PPM1L: variants seen among roughly 807,000 people sequenced by gnomAD.
PPM1L encodes the protein protein phosphatase 1L.
PPM1L carries 13 observed loss-of-function variants against 31.4 expected under a neutral mutation model. The observed-to-expected ratio is 0.41, with a 90% CI of 0.27 to 0.66. The LOEUF (loss-of-function observed/expected upper bound fraction) is 0.66. PPM1L is among the 30% of genes least tolerant of loss of function. The pLI is 0.29. For missense variants in PPM1L, 326 were observed against 453.7 expected (o/e 0.72, Z 2.56); for synonymous variants, 184 against 175.4 (o/e 1.05, Z -0.39).
chr3:161,007,783 A>G, intron 2 of PPM1L, among the ~76,000 whole-genome samples: 1 of 152,138 alleles, frequency 6.6e-6, no homozygotes, highest in East Asian at 1.9e-4. Flanking sequence ...TTTTACTGTG[A>G]GCAAGATGAG....
chr3:160,768,626 A>G (rs886860572), intron 1 of PPM1L, among the ~76,000 whole-genome samples: 3 of 152,160 alleles, frequency 2.0e-5, no homozygotes, highest in Non-Finnish European at 4.4e-5. Context: ...GTCTGGCAAT[A>G]AGGAAATGTC....
chr3:160,786,207 A>ATTTTTTTTT (rs35386910), intron 1 of PPM1L, among the ~76,000 whole-genome samples: 1 of 30,886 alleles, frequency 3.2e-5, no homozygotes, highest in African/African-American at 2.4e-4. Context: ...ATATATATAT[A>ATTTTTTTTT]TTTTTTTTTT....
chr3:160,777,075 C>T (rs1711577826), intron 1 of PPM1L, among the ~76,000 whole-genome samples: 1 of 151,852 alleles, frequency 6.6e-6, no homozygotes, highest in South Asian at 2.1e-4. Context: ...GTAACCTTAG[C>T]ACTTTGGGAG....
intron 1 of PPM1L, among the ~76,000 whole-genome samples, chr3:160,885,236 T>C (rs4679662): frequency 0.41 from 61,820 of 152,036 alleles, 14,470 homozygotes; most frequent in Non-Finnish European, 0.54. Context: ...TACTTTTTTT[T>C]GGGTAAGAAA....
chr3:160,919,349 T>C (rs1275703988), intron 1 of PPM1L, among the ~76,000 whole-genome samples: 1 of 152,196 alleles, frequency 6.6e-6, no homozygotes, highest in African/African-American at 2.4e-5. Flanking sequence ...ACTTAAGAAC[T>C]GGGCTTTCTT....
chr3:160,827,978 C>T (rs1033118601), intron 1 of PPM1L, among the ~76,000 whole-genome samples: 3 of 151,946 alleles, frequency 2.0e-5, no homozygotes, highest in Non-Finnish European at 2.9e-5. Flanking sequence ...GGAGAGGCAC[C>T]ACACACTTTT....
At chr3:160,892,449 C>T (rs560321713) in intron 1 of PPM1L, among the ~76,000 whole-genome samples, 1 of 152,196 alleles carries the variant, frequency 6.6e-6, no homozygotes, top group African/African-American at 2.4e-5. Flanking sequence ...CCAACCAGGC[C>T]CTACCTCCAA....
At chr3:160,944,920 AGTGGAGAT>A in intron 1 of PPM1L, among the ~76,000 whole-genome samples, 1 of 72,290 alleles carries the variant, frequency 1.4e-5, no homozygotes, top group African/African-American at 5.0e-5. Flanking sequence ...TATAATATAT[AGTGGAGAT>A]ATATATATTA....
rs1336756490 is a variant in PPM1L at position 161,069,402 on chromosome 3, A to G, written c.*245A>G. 14 of 518,840 alleles carry G rather than the reference A, an allele frequency of 2.7e-5. No homozygotes were observed. Among genetic ancestry groups the G allele is most frequent in the East Asian group, 1.3e-4 (4 of 29,974 alleles). The allele number at this position is 518,840 out of a possible 1,614,324, so 32.1% of individuals were successfully genotyped here. Reference sequence around the variant, plus strand: ...CTCTTTCATCCAGTGTCCAAAATATATAAGTAAATAGCTGTAGAGTCACAT... The same window carrying G: ...CTCTTTCATCCAGTGTCCAAAATATGTAAGTAAATAGCTGTAGAGTCACAT... On this transcript the variant is annotated 3_prime_UTR_variant, in exon 4 of 4. Transcript: ENST00000498165.
At chr3:160,915,247 A>T (rs1183512946) in intron 1 of PPM1L, among the ~76,000 whole-genome samples, 1 of 152,212 alleles carries the variant, frequency 6.6e-6, no homozygotes, top group East Asian at 1.9e-4. Flanking sequence ...AATCACGAGC[A>T]TTCTTATACT....
chr3:161,040,902 C>T (rs896428516), intron 2 of PPM1L, among the ~76,000 whole-genome samples: 2 of 152,118 alleles, frequency 1.3e-5, no homozygotes, highest in Non-Finnish European at 2.9e-5. Context: ...CTTGAAATGG[C>T]CCTGCAAAGC....
intron 2 of PPM1L, among the ~76,000 whole-genome samples, chr3:161,046,552 C>A (rs1050511505): frequency 2.0e-5 from 3 of 152,098 alleles, no homozygotes; most frequent in Non-Finnish European, 4.4e-5. Flanking sequence ...CTATTCCAAT[C>A]AATAGAAAAA....
chr3:160,948,893 A>G (rs1715491080), intron 1 of PPM1L, among the ~76,000 whole-genome samples: 1 of 152,312 alleles, frequency 6.6e-6, no homozygotes, highest in East Asian at 1.9e-4. Context: ...CTTTGTAAAA[A>G]TACACATGTC....
intron 1 of PPM1L, among the ~76,000 whole-genome samples, chr3:160,820,679 A>C (rs917005099): frequency 1.3e-5 from 2 of 152,148 alleles, no homozygotes; most frequent in South Asian, 4.2e-4. Context: ...TTTAGCTCAA[A>C]ATTGTTTGTG....
chr3:160,765,090 C>T (rs960773111), intron 1 of PPM1L, among the ~76,000 whole-genome samples: 4 of 152,128 alleles, frequency 2.6e-5, no homozygotes, highest in Admixed American at 6.5e-5. Context: ...TTATAAAGTA[C>T]TTTACATATG....
chr3:161,044,346 GTATT>G (rs66461506), intron 2 of PPM1L, among the ~76,000 whole-genome samples: 36,492 of 143,126 alleles, frequency 0.25, 5,635 homozygotes, highest in Middle Eastern at 0.38. Context: ...GGCCTGCCCT[GTATT>G]TATTTATTTA....
At chr3:160,902,433 CA>C (rs1484640107) in intron 1 of PPM1L, among the ~76,000 whole-genome samples, 2 of 152,140 alleles carry the variant, frequency 1.3e-5, no homozygotes, top group Non-Finnish European at 2.9e-5. Context: ...ACAGAAAATT[CA>C]GAGTAAGGAA....
chr3:161,001,505 T>A (rs979418420), intron 2 of PPM1L, among the ~76,000 whole-genome samples: 6 of 152,286 alleles, frequency 3.9e-5, no homozygotes, highest in African/African-American at 1.4e-4. Context: ...GGTCTTGGAC[T>A]TCTGGCCTCA....
intron 1 of PPM1L, among the ~76,000 whole-genome samples, chr3:160,955,285 A>G (rs1715733275): frequency 6.6e-6 from 1 of 152,090 alleles, no homozygotes; most frequent in South Asian, 2.1e-4. Flanking sequence ...TGCTGTGATT[A>G]CAGGTGTGAG....
Sources: gnomAD v4.1 joint callset for allele counts (sites outside exome capture counted in the v4.1 genomes callset) on GRCh38, gnomAD v4.1.1 for gene constraint, MANE v1.5 for transcripts, NCBI Gene and HGNC (gene_info 2026-07-23, HGNC 2026-07-21) for gene names.